The following SOS2 variants were observed in gnomAD, a reference collection of about 807,000 sequenced individuals.
SOS2 encodes SOS Ras/Rho guanine nucleotide exchange factor 2, also known as son of sevenless homolog 2.
Under a neutral mutation model 148.2 loss-of-function variants are expected in SOS2, and 65 were observed. The ratio of observed to expected loss-of-function variants is 0.44; its 90% CI spans 0.36 to 0.54. The LOEUF (loss-of-function observed/expected upper bound fraction) is 0.54, where lower values mean the gene tolerates loss of function less well. Ranked by LOEUF, SOS2 falls within the 20% of genes least tolerant of loss-of-function variation. SOS2 has a pLI of 0.00. For synonymous variants in SOS2, 539 were observed against 537.1 expected (o/e 1.00, Z -0.05); for missense variants, 1,341 against 1,590.2 (o/e 0.84, Z 2.67).
chr14:50,224,294 A>G (rs1221343484), intron 1 of SOS2, among the ~76,000 whole-genome samples: 1 of 5,482 alleles, frequency 1.8e-4, no homozygotes, highest in Non-Finnish European at 3.4e-4. Context: ...CCGTCTCAGG[A>G]AAAAAAAAAA....
intron 7 of SOS2, among the ~76,000 whole-genome samples, chr14:50,179,273 T>C (rs527246299): frequency 5.3e-5 from 8 of 152,210 alleles, no homozygotes; most frequent in Admixed American, 1.3e-4. Context: ...TCACTCTAGT[T>C]AATTATTCTA....
At chr14:50,186,003 A>T (rs1885896653) in intron 5 of SOS2, among the ~76,000 whole-genome samples, 1 of 151,760 alleles carries the variant, frequency 6.6e-6, no homozygotes, top group African/African-American at 2.4e-5. Flanking sequence ...AAATTAGATG[A>T]TTTCTGTAAA....
chr14:50,207,234 T>C (rs887228623), intron 1 of SOS2, among the ~76,000 whole-genome samples: 3 of 152,152 alleles, frequency 2.0e-5, no homozygotes, highest in African/African-American at 4.8e-5. Flanking sequence ...CATTTTTAGC[T>C]CAGCACAGTG....
rs1254410677 is a variant in SOS2, at chr14:50,148,255, T to C, written c.2384+1753A>G. On this transcript the variant is annotated intron_variant, in intron 14 of 22. Coordinates refer to ENST00000216373, the MANE Select transcript of SOS2 (RefSeq NM_006939.4). Reference sequence around the variant, plus strand: ...GGTGAAACCCCATCTCTACTAAAAATATAAAAAAGCCGGGCATGGTGGCAC... The same window carrying C: ...GGTGAAACCCCATCTCTACTAAAAACATAAAAAAGCCGGGCATGGTGGCAC... 3.3e-5 allele frequency among the ~76,000 whole-genome samples: 5 copies of C among 151,676 alleles called. No individual in the cohort carries two copies. In the East Asian group the frequency reaches 9.8e-4, roughly 30 times the overall value.
intron 7 of SOS2, 24 bp downstream of exon 7, chr14:50,180,548 A>C (rs750413580): frequency 2.8e-6 from 3 of 1,076,588 alleles, no homozygotes; most frequent in Admixed American, 2.5e-5. Flanking sequence ...AAAAAAAAAA[A>C]AAAAACCTTC....
At chr14:50,225,666 T>C (rs1034510426) in intron 1 of SOS2, among the ~76,000 whole-genome samples, 8 of 152,230 alleles carry the variant, frequency 5.3e-5, no homozygotes, top group Admixed American at 2.6e-4. Flanking sequence ...CCTCGAGTTC[T>C]ACTGTTACAT....
Position 50,220,275 on chromosome 14 carries a change from G to A in SOS2, c.87+10922C>T, listed in dbSNP as rs151154271. 9.6e-3 allele frequency among the ~76,000 whole-genome samples: 1,443 copies of A among 150,036 alleles called. 16 individuals carry two copies. Among genetic ancestry groups the A allele is most frequent in the Middle Eastern group, 0.062 (18 of 290 alleles). On this transcript the variant is annotated intron_variant, in intron 1 of 22. Coordinates refer to ENST00000216373, the MANE Select transcript of SOS2 (RefSeq NM_006939.4). The stretch of plus-strand genomic sequence containing the variant: ...AAAAAACTTAGCTGGGCGTGGTGGC[G>A]GGCGCCTGTAGTCCCAGCTACTAGG...
intron 22 of SOS2, among the ~76,000 whole-genome samples, chr14:50,119,978 A>AT (rs1477967927): frequency 6.6e-6 from 1 of 151,386 alleles, no homozygotes; most frequent in Admixed American, 6.6e-5. Context: ...CACCCAGCTA[A>AT]TTTTTTGTAT....
chr14:50,231,373 G>A lies in SOS2; in HGVS notation c.-90C>T, dbSNP rs1245639543. On this transcript the variant is annotated 5_prime_UTR_variant, in exon 1 of 23. Transcript: ENST00000216373. ...AGGGCGCGGGCCGCCTCGCCTCGCCGGCGGCCGCCGCCTCCCGCCCGGGCC... is the reference window on the plus strand; with the variant it reads ...AGGGCGCGGGCCGCCTCGCCTCGCCAGCGGCCGCCGCCTCCCGCCCGGGCC... 24 of 391,710 alleles carry A rather than the reference G, an allele frequency of 6.1e-5. No homozygotes were observed. The highest frequency in any genetic ancestry group is 1.0e-4 in the South Asian group (1 of 9,944). 24.3% of individuals were successfully genotyped at this position (391,710 alleles called of 1,614,324 possible). A position where few individuals can be genotyped will look rare whatever the true frequency, so the allele number is the denominator to read the frequency against.
In SOS2 at chr14:50,131,570, A is replaced by G. The variant is rs183921169; in HGVS notation, c.3076-808T>C. 6.9e-4 allele frequency among the ~76,000 whole-genome samples: 102 copies of G among 146,850 alleles called. No homozygotes were observed. In the South Asian group the frequency reaches 7.9e-3, roughly 11 times the overall value. On this transcript the variant is annotated intron_variant, in intron 19 of 22. Transcript: ENST00000216373. ...TGCTCAAACATATCTAGTTTGAGAT[A>G]CTCAAACATATCTAGTTTGAGATAC...
chr14:50,177,440 T>C (rs549599065), intron 7 of SOS2, among the ~76,000 whole-genome samples: 5 of 152,134 alleles, frequency 3.3e-5, no homozygotes, highest in Non-Finnish European at 7.3e-5. Flanking sequence ...GTTAAAACAA[T>C]TGAGTTTGGC....
intron 17 of SOS2, among the ~76,000 whole-genome samples, chr14:50,139,570 A>G (rs1249277670): frequency 6.6e-6 from 1 of 152,248 alleles, no homozygotes; most frequent in Non-Finnish European, 1.5e-5. Context: ...TCAATCATAC[A>G]CAACAATATT....
intron 8 of SOS2, among the ~76,000 whole-genome samples, chr14:50,173,367 G>A (rs899414639): frequency 6.6e-6 from 1 of 151,934 alleles, no homozygotes; most frequent in African/African-American, 2.4e-5. Context: ...TCTTTTTTAA[G>A]TTCTTTTTTA....
At chr14:50,130,783 T>C (rs1477662436) in intron 19 of SOS2, 21 bp from the exon 20 acceptor site, 1 of 1,579,348 alleles carries the variant, frequency 6.3e-7, no homozygotes. Context: ...CAAACATAAT[T>C]AATGTCACAA....
At chr14:50,184,162 T>A (rs1351192843) in intron 5 of SOS2, among the ~76,000 whole-genome samples, 4 of 152,192 alleles carry the variant, frequency 2.6e-5, no homozygotes, top group Non-Finnish European at 5.9e-5. Context: ...GACTAAAACA[T>A]CATATGTGGC....
chr14:50,153,454 C>T (rs1363551762), intron 12 of SOS2, among the ~76,000 whole-genome samples: 2 of 152,038 alleles, frequency 1.3e-5, no homozygotes, highest in Non-Finnish European at 2.9e-5. Flanking sequence ...GAAAAGTACC[C>T]TTTATTCATA....
intron 20 of SOS2, 50 bp downstream of exon 20, chr14:50,130,451 C>G (rs776722315): frequency 6.6e-7 from 1 of 1,508,582 alleles, no homozygotes; most frequent in South Asian, 1.2e-5. Context: ...TAAGAATTAT[C>G]TGAGACACAG....
Position 50,120,113 on chromosome 14 carries a change from A to G in SOS2, c.3489+162T>C, listed in dbSNP as rs1017937529. The stretch of plus-strand genomic sequence containing the variant: ...AGCCTCTTATTTAGAAAAGGTTTTT[A>G]TAAGGATTAAACAACTAAAAGTATT... On this transcript the variant is annotated intron_variant, in intron 22 of 22. Transcript: ENST00000216373. Among the ~76,000 whole-genome samples, 5 of 152,286 alleles carry G rather than the reference A, an allele frequency of 3.3e-5. No homozygotes were observed. In the East Asian group the frequency reaches 9.7e-4, roughly 29 times the overall value.
intron 21 of SOS2, among the ~76,000 whole-genome samples, chr14:50,125,903 G>A (rs1883665821): frequency 6.6e-6 from 1 of 152,190 alleles, no homozygotes; most frequent in Non-Finnish European, 1.5e-5. Flanking sequence ...ATACTACATG[G>A]CGAGATTGCC....
Sources: gnomAD v4.1 joint callset for allele counts (sites outside exome capture counted in the v4.1 genomes callset) on GRCh38, gnomAD v4.1.1 for gene constraint, MANE v1.5 for transcripts, NCBI Gene and HGNC (gene_info 2026-07-23, HGNC 2026-07-21) for gene names.